The following ADAMTSL3 variants were observed in gnomAD, a reference collection of about 807,000 sequenced individuals.
The protein encoded by ADAMTSL3 is ADAMTS-like protein 3.
ADAMTSL3 carries 128 observed loss-of-function variants against 201.7 expected under a neutral mutation model. The ratio of observed to expected loss-of-function variants is 0.63; its 90% CI spans 0.55 to 0.73. The LOEUF (loss-of-function observed/expected upper bound fraction) is 0.73, where lower values mean the gene tolerates loss of function less well. ADAMTSL3 is among the 30% of genes least tolerant of loss of function. The pLI, the probability that ADAMTSL3 is intolerant of heterozygous loss-of-function variation, is 0.00. For missense variants in ADAMTSL3, 1,990 were observed against 2,119.6 expected, an observed-to-expected ratio of 0.94 and a Z score of 1.20; for synonymous variants, 738 against 748.4, an observed-to-expected ratio of 0.99 and a Z score of 0.23.
chr15:83,907,303 C>T (rs1372261247), intron 15 of ADAMTSL3, among the ~76,000 whole-genome samples: 4 of 152,112 alleles, frequency 2.6e-5, no homozygotes, highest in East Asian at 3.9e-4. Context: ...TTAACACACT[C>T]AAACCTATAT....
intron 16 of ADAMTSL3, among the ~76,000 whole-genome samples, chr15:83,917,616 G>A (rs8042970): frequency 0.63 from 95,381 of 151,950 alleles, 31,015 homozygotes; most frequent in African/African-American, 0.79. Flanking sequence ...ATTCCTTACC[G>A]AAGTTCTTCT....
Position 83,761,726 on chromosome 15 carries a change from TCA to T in ADAMTSL3, c.190-11796_190-11795del, listed in dbSNP as rs1369797092. ...AGATAATATCCTATTAAATCTTCCC[TCA>T]TGTAAAGTATCTTTATGTTTAAGAA... On this transcript the variant is annotated intron_variant, in intron 3 of 29. Transcript: ENST00000286744. Among the ~76,000 whole-genome samples, 3 of 152,188 alleles carry T rather than the reference TCA, an allele frequency of 2.0e-5. No individual in the cohort carries two copies. The East Asian group carries it at 5.8e-4, about 29-fold the overall frequency.
intron 7 of ADAMTSL3, among the ~76,000 whole-genome samples, chr15:83,852,163 T>C (rs1166662949): frequency 1.3e-5 from 2 of 152,030 alleles, no homozygotes; most frequent in Non-Finnish European, 2.9e-5. Flanking sequence ...CCCAGGCTGG[T>C]GTTCAGTGGT....
In ADAMTSL3 at chr15:83,835,477, AT is replaced by A. The variant is rs74967688; in HGVS notation, c.601-2610del. 3.4e-3 allele frequency among the ~76,000 whole-genome samples: 525 copies of A among 152,256 alleles called. 14 individuals carry two copies. In the East Asian group the frequency reaches 0.054, roughly 16 times the overall value. ...ATATCAGTGCTCAGGGAGGTATTCAATTGCCTGAGATCTTGCAAGGCCTTAA... is the reference window on the plus strand; with the variant it reads ...ATATCAGTGCTCAGGGAGGTATTCAATGCCTGAGATCTTGCAAGGCCTTAA... On this transcript the variant is annotated intron_variant, in intron 6 of 29. Coordinates refer to ENST00000286744, the MANE Select transcript of ADAMTSL3 (RefSeq NM_207517.3).
chr15:83,937,154 A>T (rs2066475445), intron 17 of ADAMTSL3, among the ~76,000 whole-genome samples: 1 of 151,008 alleles, frequency 6.6e-6, no homozygotes, highest in African/African-American at 2.5e-5. Context: ...CAATTTCATT[A>T]TTGGGTATAT....
chr15:83,729,523 T>G (rs1460515141), intron 3 of ADAMTSL3, among the ~76,000 whole-genome samples: 2 of 151,996 alleles, frequency 1.3e-5, no homozygotes, highest in Non-Finnish European at 2.9e-5. Flanking sequence ...TGCTTGATCA[T>G]TTCTGCTGTT....
chr15:83,831,661 T>G (rs528143989), intron 6 of ADAMTSL3, among the ~76,000 whole-genome samples: 1 of 152,268 alleles, frequency 6.6e-6, no homozygotes, highest in African/African-American at 2.4e-5. Context: ...CTTGAGTAGC[T>G]GGGACTACAG....
chr15:83,655,925 T>G, intron 2 of ADAMTSL3, 95 bp downstream of exon 2: 6 of 1,273,584 alleles, frequency 4.7e-6, no homozygotes, highest in Non-Finnish European at 5.6e-6. Context: ...GCATGATTAG[T>G]GTTAATCCTA....
chr15:83,928,498 A>G (rs1414875976), intron 17 of ADAMTSL3, among the ~76,000 whole-genome samples: 3 of 152,246 alleles, frequency 2.0e-5, no homozygotes, highest in Non-Finnish European at 4.4e-5. Context: ...AACGAAAATG[A>G]TAACAACATG....
chr15:83,888,774 T>C lies in ADAMTSL3; in HGVS notation c.1073-1335T>C, dbSNP rs185937853. Among the ~76,000 whole-genome samples, 4 of 152,336 alleles carry C rather than the reference T, an allele frequency of 2.6e-5. No individual in the cohort carries two copies. The East Asian group carries it at 7.7e-4, about 29-fold the overall frequency. ...TTGACTCCATTTGGATTTTCATTCT[T>C]GCGGTTTCGACCTTGCTTTTTATAA... On this transcript the variant is annotated intron_variant, in intron 10 of 29. Transcript: ENST00000286744.
chr15:83,818,607 G>A (rs1394549230), intron 5 of ADAMTSL3, among the ~76,000 whole-genome samples: 2 of 152,200 alleles, frequency 1.3e-5, no homozygotes, highest in Non-Finnish European at 2.9e-5. Context: ...GATTACAGAC[G>A]TGAGCCACCA....
chr15:83,927,911 T>TA (rs991775656), intron 17 of ADAMTSL3, among the ~76,000 whole-genome samples: 14 of 150,426 alleles, frequency 9.3e-5, no homozygotes, highest in Non-Finnish European at 3.0e-5. Flanking sequence ...GAAAGATGAC[T>TA]AAAAAAAAAT....
In ADAMTSL3 at chr15:83,988,560, C is replaced by CA. The variant is rs2141827877; in HGVS notation, c.3717-127dup. ...CTCTGCTTATAGGCAGGATGCTGGA[C>CA]AAAATTATCCTTTGTGAGCTTTGCC... On this transcript the variant is annotated intron_variant, in intron 21 of 29. Transcript: ENST00000286744. 5.4e-6 allele frequency: 4 copies of CA among 735,730 alleles called. No homozygotes were observed. In the South Asian group the frequency reaches 1.1e-4, roughly 20 times the overall value. The allele number at this position is 735,730 out of a possible 1,614,324, so 45.6% of individuals were successfully genotyped here.
chr15:83,782,619 G>A (rs796450258), intron 4 of ADAMTSL3, among the ~76,000 whole-genome samples: 10 of 152,212 alleles, frequency 6.6e-5, no homozygotes, highest in African/African-American at 2.2e-4. Context: ...AACCAATGCA[G>A]GAACAGAAAA....
intron 3 of ADAMTSL3, among the ~76,000 whole-genome samples, chr15:83,756,745 G>A (rs1210444239): frequency 6.6e-6 from 1 of 152,150 alleles, no homozygotes; most frequent in Non-Finnish European, 1.5e-5. Flanking sequence ...TTCTGCCTAT[G>A]AGCCTGTAAA....
intron 3 of ADAMTSL3, among the ~76,000 whole-genome samples, chr15:83,761,646 TA>T (rs2062810028): frequency 6.6e-6 from 1 of 152,236 alleles, no homozygotes; most frequent in Non-Finnish European, 1.5e-5. Flanking sequence ...TCTCTCTTTT[TA>T]ATCTTACCTG....
chr15:83,968,399 A>G (rs2067129096), intron 19 of ADAMTSL3, among the ~76,000 whole-genome samples: 1 of 152,270 alleles, frequency 6.6e-6, no homozygotes, highest in Non-Finnish European at 1.5e-5. Context: ...GGAGACATTT[A>G]TGCGGCCAAC....
chr15:83,682,127 G>C (rs1221132855), intron 2 of ADAMTSL3, among the ~76,000 whole-genome samples: 1 of 152,136 alleles, frequency 6.6e-6, no homozygotes, highest in Non-Finnish European at 1.5e-5. Flanking sequence ...TCTTGACTCT[G>C]TGACCCTGGG....
chr15:83,998,397 C>T (rs1005917220), intron 23 of ADAMTSL3, among the ~76,000 whole-genome samples: 1 of 151,864 alleles, frequency 6.6e-6, no homozygotes, highest in African/African-American at 2.4e-5. Flanking sequence ...TGCAGTGAGC[C>T]GAGATAGTGC....
Sources: allele counts gnomAD v4.1 joint callset (sites outside exome capture counted in the v4.1 genomes callset), GRCh38; gene constraint gnomAD v4.1.1; transcripts MANE v1.5; gene names NCBI Gene and HGNC (gene_info 2026-07-23, HGNC 2026-07-21).